TANC2: variants seen among roughly 807,000 people sequenced by gnomAD.
TANC2 encodes the protein tetratricopeptide repeat, ankyrin repeat and coiled-coil containing 2, also known as protein TANC2.
Under a neutral mutation model 210.5 loss-of-function variants are expected in TANC2, and 26 were observed. The observed-to-expected ratio is 0.12, with a 90% CI of 0.09 to 0.17. The LOEUF (loss-of-function observed/expected upper bound fraction) is 0.17, where lower values mean the gene tolerates loss of function less well. Among genes scored for constraint, TANC2 ranks in the 10% least tolerant of loss-of-function variants. The pLI is 1.00. For synonymous variants in TANC2, 931 were observed against 967.1 expected, an observed-to-expected ratio of 0.96 and a Z score of 0.69; for missense variants, 2,129 against 2,608.9, an observed-to-expected ratio of 0.82 and a Z score of 4.01.
At chr17:63,054,546 A>ATTT (rs372855287) in intron 2 of TANC2, among the ~76,000 whole-genome samples, 2,014 of 136,962 alleles carry the variant, frequency 0.015, 26 homozygotes, top group Middle Eastern at 0.024. Flanking sequence ...TAATTTTTGT[A>ATTT]TTTTTTTTTT....
intron 4 of TANC2, among the ~76,000 whole-genome samples, chr17:63,146,000 G>T (rs1028330184): frequency 2.6e-5 from 4 of 152,048 alleles, no homozygotes; most frequent in African/African-American, 9.7e-5. Context: ...TCACTTGGGT[G>T]GTGTACCATC....
In TANC2 at chr17:63,340,085, C is replaced by A; in HGVS notation, c.1576-16C>A. 6.3e-7 allele frequency: 1 copy of A among 1,598,216 alleles called. No homozygotes were observed. Among genetic ancestry groups the A allele is most frequent in the Non-Finnish European group, 8.6e-7 (1 of 1,166,818 alleles). The stretch of plus-strand genomic sequence containing the variant: ...CTACTGATAAGCCTGTTTGCATTCT[C>A]ATCTTTCTTTTGCAGGTGGTTGCCT... On this transcript the variant is annotated splice_polypyrimidine_tract_variant and intron_variant, in intron 11 of 27. Coordinates refer to ENST00000689528, the Ensembl canonical transcript of TANC2.
chr17:63,404,801 A>G (rs2048450313), intron 19 of TANC2, among the ~76,000 whole-genome samples: 1 of 152,188 alleles, frequency 6.6e-6, no homozygotes, highest in South Asian at 2.1e-4. Context: ...GTTTGTAGCT[A>G]GGAAGAGGTA....
intron 4 of TANC2, among the ~76,000 whole-genome samples, chr17:63,113,300 C>T (rs573592106): frequency 1.2e-4 from 19 of 152,258 alleles, no homozygotes; most frequent in South Asian, 8.3e-4. Context: ...AATTGACATT[C>T]AGCCCATAAG....
chr17:63,144,942 A>G (rs1314746262), intron 4 of TANC2, among the ~76,000 whole-genome samples: 2 of 151,868 alleles, frequency 1.3e-5, no homozygotes, highest in Non-Finnish European at 2.9e-5. Context: ...AATATGAATT[A>G]TCATTTTTTT....
intron 1 of TANC2, among the ~76,000 whole-genome samples, chr17:62,989,832 C>T (rs933770985): frequency 4.5e-5 from 6 of 133,528 alleles, no homozygotes; most frequent in South Asian, 4.6e-4. Context: ...AGTGCAGTGG[C>T]GCAATCTTGG....
chr17:63,193,554 C>T (rs967895553), intron 5 of TANC2, among the ~76,000 whole-genome samples: 1 of 152,112 alleles, frequency 6.6e-6, no homozygotes, highest in African/African-American at 2.4e-5. Context: ...TATGACACTT[C>T]AGTTAATGCT....
intron 2 of TANC2, among the ~76,000 whole-genome samples, chr17:63,039,091 G>A (rs542612920): frequency 7.9e-5 from 12 of 152,272 alleles, no homozygotes; most frequent in Non-Finnish European, 1.6e-4. Flanking sequence ...AAAGGTATGG[G>A]AGGAAGGCCT....
At chr17:63,309,739 A>C (rs1481845394) in intron 9 of TANC2, among the ~76,000 whole-genome samples, 1 of 151,822 alleles carries the variant, frequency 6.6e-6, no homozygotes, top group African/African-American at 2.4e-5. Flanking sequence ...TTTTGAAACT[A>C]TGTATTTTTC....
intron 2 of TANC2, among the ~76,000 whole-genome samples, chr17:63,055,838 C>T (rs1236749861): frequency 6.7e-6 from 1 of 149,742 alleles, no homozygotes; most frequent in Non-Finnish European, 1.5e-5. Flanking sequence ...GAGGATACCA[C>T]AACCACTTTT....
intron 5 of TANC2, among the ~76,000 whole-genome samples, chr17:63,189,199 A>C (rs1227460902): frequency 6.6e-6 from 1 of 151,824 alleles, no homozygotes; most frequent in African/African-American, 2.4e-5. Context: ...GTGGGGTTCT[A>C]TTTTTGACTG....
At chr17:63,083,258 C>T (rs1427899335) in intron 3 of TANC2, among the ~76,000 whole-genome samples, 3 of 152,154 alleles carry the variant, frequency 2.0e-5, no homozygotes, top group Non-Finnish European at 4.4e-5. Flanking sequence ...TGTCTTCATC[C>T]AGACCAAGTG....
At chr17:63,230,623 T>A (rs1177047752) in intron 7 of TANC2, among the ~76,000 whole-genome samples, 1 of 152,162 alleles carries the variant, frequency 6.6e-6, no homozygotes, top group African/African-American at 2.4e-5. Flanking sequence ...GAGTTCTAAT[T>A]TGGTTGTGCT....
chr17:63,152,656 A>G (rs538679606), intron 5 of TANC2: 1 of 152,284 alleles, frequency 6.6e-6, no homozygotes, highest in South Asian at 2.1e-4. Context: ...GGGCAGTCGA[A>G]TATTGTACTT....
chr17:63,406,939 G>A (rs1312420891), intron 21 of TANC2, among the ~76,000 whole-genome samples: 1 of 152,176 alleles, frequency 6.6e-6, no homozygotes, highest in Non-Finnish European at 1.5e-5. Context: ...AGTGGAGCTT[G>A]AGCATTTACT....
chr17:63,278,314 G>T, intron 9 of TANC2, among the ~76,000 whole-genome samples: 1 of 152,006 alleles, frequency 6.6e-6, no homozygotes, highest in African/African-American at 2.4e-5. Context: ...ATGGACAAAG[G>T]ACTTACATAG....
intron 14 of TANC2, among the ~76,000 whole-genome samples, chr17:63,362,232 G>C (rs1433939758): frequency 6.6e-6 from 1 of 152,222 alleles, no homozygotes; most frequent in Non-Finnish European, 1.5e-5. Context: ...TCTGCAGGCA[G>C]GTTGTCTCAT....
chr17:62,972,075 G>A lies in TANC2; in HGVS notation c.-24+5326G>A, dbSNP rs776285544. On this transcript the variant is annotated intron_variant, in intron 1 of 27. Transcript: ENST00000689528. ...AAGGCTAAAGCAGGTTACGCAATTA[G>A]TGAAAAAACTTTCTGGGACCTTTTT... 3.9e-4 allele frequency among the ~76,000 whole-genome samples: 60 copies of A among 152,152 alleles called. 1 individual carries two copies. Among genetic ancestry groups the A allele is most frequent in the Admixed American group, 8.5e-4 (13 of 15,280 alleles).
intron 2 of TANC2, among the ~76,000 whole-genome samples, chr17:63,016,438 ATAT>A (rs1284037959): frequency 6.6e-6 from 1 of 152,144 alleles, no homozygotes; most frequent in Admixed American, 6.5e-5. Context: ...TGGCTGAATA[ATAT>A]TCTGTTGTGC....
Sources: gnomAD v4.1 joint callset for allele counts (sites outside exome capture counted in the v4.1 genomes callset) on GRCh38, gnomAD v4.1.1 for gene constraint, MANE v1.5 for transcripts, NCBI Gene and HGNC (gene_info 2026-07-23, HGNC 2026-07-21) for gene names.